The following NTM variants were observed in gnomAD, a reference collection of about 807,000 sequenced individuals.
NTM encodes neurotrimin.
A neutral mutation model predicts 42.1 loss-of-function variants in NTM; 13 were observed. The ratio of observed to expected loss-of-function variants is 0.31; its 90% CI spans 0.20 to 0.49. NTM has a LOEUF of 0.49. Among genes scored for constraint, NTM ranks in the 20% least tolerant of loss-of-function variants. NTM has a pLI of 0.99. For missense variants in NTM, 373 were observed against 452.8 expected, an observed-to-expected ratio of 0.82 and a Z score of 1.60; for synonymous variants, 187 against 179.2, an observed-to-expected ratio of 1.04 and a Z score of -0.35.
At chr11:131,717,106 G>T (rs376378010) in intron 1 of NTM, among the ~76,000 whole-genome samples, 3 of 152,266 alleles carry the variant, frequency 2.0e-5, no homozygotes, top group African/African-American at 7.2e-5. Flanking sequence ...CTCCCAAAGT[G>T]CTGGGACTAC....
At chr11:131,464,360 G>C (rs766536845) in intron 1 of NTM, among the ~76,000 whole-genome samples, 3 of 82,702 alleles carry the variant, frequency 3.6e-5, no homozygotes, top group East Asian at 7.3e-4. Context: ...AGGGAAAGCT[G>C]GGGGGGGGGC....
chr11:132,208,553 G>T (rs1331889786), intron 3 of NTM, among the ~76,000 whole-genome samples: 1 of 152,194 alleles, frequency 6.6e-6, no homozygotes, highest in South Asian at 2.1e-4. Context: ...AGCATGAGGT[G>T]CGATTGTCTC....
intron 2 of NTM, among the ~76,000 whole-genome samples, chr11:132,063,448 G>T (rs956707880): frequency 2.0e-5 from 3 of 152,096 alleles, no homozygotes; most frequent in Non-Finnish European, 4.4e-5. Flanking sequence ...TGACTTCTCC[G>T]TCTATTAATG....
intron 2 of NTM, among the ~76,000 whole-genome samples, chr11:131,995,628 G>A (rs1419809825): frequency 6.6e-6 from 1 of 152,018 alleles, no homozygotes; most frequent in African/African-American, 2.4e-5. Flanking sequence ...TGCTCAGCAG[G>A]GGCCAGATCA....
At chr11:131,717,847 G>C (rs1284308780) in intron 1 of NTM, among the ~76,000 whole-genome samples, 1 of 152,164 alleles carries the variant, frequency 6.6e-6, no homozygotes, top group Non-Finnish European at 1.5e-5. Flanking sequence ...GATAGCTGTA[G>C]GTTTTCTATA....
chr11:131,825,606 C>T (rs912815896), intron 1 of NTM, among the ~76,000 whole-genome samples: 2 of 152,198 alleles, frequency 1.3e-5, no homozygotes, highest in South Asian at 4.1e-4. Flanking sequence ...TGTGGACAGA[C>T]CTGTTGAAGA....
chr11:131,401,826 A>ATATATATATATGTG (rs1945229976), intron 1 of NTM, among the ~76,000 whole-genome samples: 1 of 60,566 alleles, frequency 1.7e-5, no homozygotes, highest in African/African-American at 7.1e-5. Flanking sequence ...ATATATATAT[A>ATATATATATATGTG]TATATATATA....
At chr11:131,517,671 C>G (rs2049069599) in intron 1 of NTM, among the ~76,000 whole-genome samples, 1 of 152,174 alleles carries the variant, frequency 6.6e-6, no homozygotes, top group Admixed American at 6.5e-5. Context: ...TCTGCTCTGG[C>G]TCAGGCAGAA....
rs1008904110 is a variant in NTM, at chr11:131,667,831, G to A, written c.83-243733G>A. Among the ~76,000 whole-genome samples the A allele has an allele frequency of 2.6e-5, 4 of 152,150 alleles. 1 individual carries two copies. Among genetic ancestry groups the A allele is most frequent in the Admixed American group, 1.3e-4 (2 of 15,284 alleles). ...ACTCAAACAGCCTGGGTGGGCCTGGGCATCCGCAGGTGTCTCCTCTGTGCT... is the reference window on the plus strand; with the variant it reads ...ACTCAAACAGCCTGGGTGGGCCTGGACATCCGCAGGTGTCTCCTCTGTGCT... On this transcript the variant is annotated intron_variant, in intron 1 of 8. Coordinates refer to ENST00000683400, the MANE Select transcript of NTM (RefSeq NM_001352005.2).
intron 1 of NTM, among the ~76,000 whole-genome samples, chr11:131,764,466 T>C (rs1001489171): frequency 3.3e-5 from 5 of 152,170 alleles, no homozygotes; most frequent in Non-Finnish European, 7.3e-5. Flanking sequence ...GGAAAGCAGC[T>C]GTCGAACTGT....
chr11:131,775,002 A>C (rs1299490693), intron 1 of NTM, among the ~76,000 whole-genome samples: 2 of 152,102 alleles, frequency 1.3e-5, no homozygotes, highest in African/African-American at 4.8e-5. Context: ...TTTCCATGGG[A>C]GTTGAAAATA....
intron 1 of NTM, among the ~76,000 whole-genome samples, chr11:131,533,231 C>T (rs970799752): frequency 2.0e-5 from 3 of 152,170 alleles, no homozygotes; most frequent in Admixed American, 6.5e-5. Flanking sequence ...ACTGCAAAAT[C>T]GTCTGCAGAT....
intron 1 of NTM, among the ~76,000 whole-genome samples, chr11:131,693,846 G>C (rs372447706): frequency 1.3e-5 from 2 of 152,306 alleles, no homozygotes; most frequent in South Asian, 2.1e-4. Context: ...AACTGGAAGC[G>C]AGAGAGGAGA....
intron 1 of NTM, among the ~76,000 whole-genome samples, chr11:131,415,266 T>C (rs1031205577): frequency 1.3e-5 from 2 of 152,028 alleles, no homozygotes; most frequent in Non-Finnish European, 2.9e-5. Flanking sequence ...ATAAAGCAGA[T>C]GAAGTGAGTT....
intron 1 of NTM, among the ~76,000 whole-genome samples, chr11:131,879,058 G>A (rs1235878635): frequency 1.3e-5 from 2 of 151,946 alleles, no homozygotes; most frequent in Non-Finnish European, 2.9e-5. Flanking sequence ...TTTCCTTTCT[G>A]GGCCAGAATC....
intron 2 of NTM, among the ~76,000 whole-genome samples, chr11:132,010,212 T>G (rs2135410911): frequency 6.6e-6 from 1 of 152,344 alleles, no homozygotes; most frequent in South Asian, 2.1e-4. Context: ...AAATGATTTC[T>G]CCCTCCTATA....
intron 4 of NTM, among the ~76,000 whole-genome samples, chr11:132,249,556 G>T (rs962422362): frequency 1.3e-5 from 2 of 152,214 alleles, no homozygotes; most frequent in Non-Finnish European, 2.9e-5. Context: ...TCTTGAGTCA[G>T]GTTGTTGGAT....
At chr11:131,803,236 T>G in intron 1 of NTM, among the ~76,000 whole-genome samples, 1 of 152,146 alleles carries the variant, frequency 6.6e-6, no homozygotes, top group South Asian at 2.1e-4. Flanking sequence ...CTTCATCTTT[T>G]GCCACCTGTT....
intron 2 of NTM, among the ~76,000 whole-genome samples, chr11:132,008,926 C>T (rs185000576): frequency 3.7e-4 from 55 of 149,162 alleles, no homozygotes; most frequent in African/African-American, 1.3e-3. Flanking sequence ...TAATTAAGAG[C>T]GAATGAAGGT....
Sources: allele counts gnomAD v4.1 joint callset (sites outside exome capture counted in the v4.1 genomes callset), GRCh38; gene constraint gnomAD v4.1.1; transcripts MANE v1.5; gene names NCBI Gene and HGNC (gene_info 2026-07-23, HGNC 2026-07-21).